The following PMPCB variants were observed in gnomAD, a reference collection of about 807,000 sequenced individuals.
The protein encoded by PMPCB is peptidase, mitochondrial processing subunit beta.
PMPCB carries 46 observed loss-of-function variants against 61.5 expected under a neutral mutation model. That is an observed-to-expected ratio of 0.75 (90% CI 0.59 to 0.96). The LOEUF (loss-of-function observed/expected upper bound fraction) is 0.96. Ranked by LOEUF, PMPCB falls within the 40% of genes least tolerant of loss-of-function variation. The pLI, the probability that PMPCB is intolerant of heterozygous loss-of-function variation, is 0.00. For missense variants in PMPCB, 590 were observed against 602.4 expected (o/e 0.98, Z 0.22); for synonymous variants, 191 against 201.6 (o/e 0.95, Z 0.44).
chr7:103,307,573 G>T (rs372271437), intron 6 of PMPCB, 23 bp from the exon 7 acceptor site: 1 of 1,398,902 alleles, frequency 7.1e-7, no homozygotes, highest in Non-Finnish European at 1.0e-6. Flanking sequence ...AGATACATGT[G>T]AAAATATTTT....
chr7:103,314,595 A>C lies in PMPCB; in HGVS notation c.*2324A>C. On this transcript the variant is annotated 3_prime_UTR_variant, in exon 13 of 13. Transcript: ENST00000249269. ...TGTGGAGATAAAGGTGCAGGAGAATAAACTCCTTTATAAAGAAGTGTCTTT... is the reference window on the plus strand; with the variant it reads ...TGTGGAGATAAAGGTGCAGGAGAATCAACTCCTTTATAAAGAAGTGTCTTT... 1.0e-6 allele frequency: 1 copy of C among 985,332 alleles called. No homozygotes were observed. 61.0% of individuals were successfully genotyped at this position (985,332 alleles called of 1,614,324 possible). A position where few individuals can be genotyped will look rare whatever the true frequency, so the allele number is the denominator to read the frequency against.
At chr7:103,344,688 C>A in the PMPCB span, 2 of 1,535,500 alleles carry the variant, frequency 1.3e-6, no homozygotes, top group Non-Finnish European at 1.8e-6. Flanking sequence ...GCTTAGGGTC[C>A]CCTCCAGCTC....
intron 1 of PMPCB, chr7:103,297,788 T>C: frequency 6.5e-7 from 1 of 1,530,006 alleles, no homozygotes; most frequent in Non-Finnish European, 8.7e-7. Flanking sequence ...GGTTTTCGGC[T>C]CCTCCCGCCA....
chr7:103,301,410 TA>T (rs1424129822), intron 4 of PMPCB, among the ~76,000 whole-genome samples: 1 of 152,268 alleles, frequency 6.6e-6, no homozygotes, highest in African/African-American at 2.4e-5. Context: ...GTCCCAGGAC[TA>T]ATTAGGGACC....
downstream of PMPCB, among the ~76,000 whole-genome samples, chr7:103,318,640 CTA>C (rs1818206366): frequency 6.6e-6 from 1 of 152,124 alleles, no homozygotes; most frequent in Non-Finnish European, 1.5e-5. Flanking sequence ...AGGCATAGTG[CTA>C]TATATAGTAG....
In PMPCB at chr7:103,297,548, C is replaced by T. The variant is rs775775729; in HGVS notation, c.89C>T (p.Ala30Val). The T allele has an allele frequency of 7.5e-6, 12 of 1,610,364 alleles. No individual in the cohort carries two copies. In the East Asian group the frequency reaches 1.6e-4, roughly 21 times the overall value. The change falls in exon 1 of 13, where the codon GCT (alanine) becomes GTT (valine). Residue 30 changes from alanine to valine, a missense_variant. Physicochemically the swap from Ala to Val is moderately conservative, Grantham distance 64. Coordinates refer to ENST00000249269, the MANE Select transcript of PMPCB (RefSeq NM_004279.3). ...GFSESLLIRG[A>V]AGRSLYFGEN... ...AGCGAGAGTCTTCTAATCCGAGGCGCTGCGGGACGGGTGAGCTTCCCTCCA... is the reference window on the plus strand; with the variant it reads ...AGCGAGAGTCTTCTAATCCGAGGCGTTGCGGGACGGGTGAGCTTCCCTCCA...
rs1231218807 is a variant in PMPCB at position 103,312,096 on chromosome 7, A to G, written c.1370A>G (p.Tyr457Cys). ...AETIREVCTK[Y>C]IYNRSPAIAA... ...ACAATTCGAGAAGTATGTACCAAAT[A>G]CATTTATAATAGGAGTCCAGCTATT... Residue 457 changes from tyrosine to cysteine, a missense_variant, in exon 12 of 13, where the codon TAC (tyrosine) becomes TGC (cysteine). Transcript: ENST00000249269. 1 of 1,613,936 alleles carries G rather than the reference A, an allele frequency of 6.2e-7. No homozygotes were observed. The highest frequency in any genetic ancestry group is 2.2e-5 in the East Asian group (1 of 44,870).
chr7:103,337,754 T>C, the PMPCB span: 18 of 1,613,690 alleles, frequency 1.1e-5, no homozygotes, highest in Non-Finnish European at 1.4e-5. Context: ...TTGATCTGTC[T>C]CTGTGTAGCC....
chr7:103,326,454 CTA>C, intron 12 of PMPCB: 1 of 1,292,204 alleles, frequency 7.7e-7, no homozygotes, highest in Non-Finnish European at 1.1e-6. Flanking sequence ...ATAAATGAAA[CTA>C]TTATCAGAGG....
chr7:103,342,596 C>A, the PMPCB span, among the ~76,000 whole-genome samples: 1 of 151,354 alleles, frequency 6.6e-6, no homozygotes, highest in African/African-American at 2.4e-5. Context: ...TGAGCCACTG[C>A]ACCCACCTGG....
At chr7:103,344,723 C>G in the PMPCB span, 3 of 1,293,216 alleles carry the variant, frequency 2.3e-6, no homozygotes, top group Admixed American at 1.8e-5. Context: ...AGCCTCGCGC[C>G]TTGGCTCTAA....
At chr7:103,329,107 C>G in exon 13 of PMPCB, 2 of 570,244 alleles carry the variant, frequency 3.5e-6, no homozygotes, top group Non-Finnish European at 5.3e-6. Context: ...GTTTTTCATC[C>G]TTTAACTGGA....
intron 9 of PMPCB, 126 bp from the exon 10 acceptor site, chr7:103,311,517 C>T: frequency 1.5e-6 from 1 of 659,496 alleles, no homozygotes; most frequent in Non-Finnish European, 2.6e-6. Context: ...TTAGCTTTTG[C>T]TTAGCATTGG....
At chr7:103,312,182 A>T (rs769242782) in intron 12 of PMPCB, 25 bp from the exon 13 acceptor site, 10 of 1,614,026 alleles carry the variant, frequency 6.2e-6, no homozygotes, top group Non-Finnish European at 8.5e-6. Flanking sequence ...AGTACTTTTA[A>T]TTAACTCTTC....
intron 4 of PMPCB, among the ~76,000 whole-genome samples, chr7:103,303,102 AT>A (rs1375183999): frequency 6.6e-6 from 1 of 152,090 alleles, no homozygotes; most frequent in Non-Finnish European, 1.5e-5. Flanking sequence ...AGAACACACA[AT>A]TCTGTGATTC....
downstream of PMPCB, chr7:103,315,946 A>C: frequency 6.4e-7 from 1 of 1,553,722 alleles, no homozygotes; most frequent in Non-Finnish European, 8.8e-7. Context: ...GTTATTTTAA[A>C]AATAGGTGTT....
chr7:103,303,257 C>T (rs190057631), intron 4 of PMPCB, among the ~76,000 whole-genome samples: 10 of 152,340 alleles, frequency 6.6e-5, no homozygotes, highest in African/African-American at 1.4e-4. Context: ...GCAGGGACTA[C>T]GGGCACATGC....
chr7:103,314,031 AAAC>A lies in PMPCB; in HGVS notation c.*1763_*1765del. The A allele has an allele frequency of 1.0e-6, 1 of 984,732 alleles. No individual in the cohort carries two copies. The highest frequency in any genetic ancestry group is 1.2e-6 in the Non-Finnish European group (1 of 829,806). The allele number at this position is 984,732 out of a possible 1,614,324, so 61.0% of individuals were successfully genotyped here. A position where few individuals can be genotyped will look rare whatever the true frequency, so the allele number is the denominator to read the frequency against. ...CTTCCCAATTAAAGAAGGAAAAACA[AAAC>A]AAAACAAAACAAAACCACCACCTAT... On this transcript the variant is annotated 3_prime_UTR_variant, in exon 13 of 13. Transcript: ENST00000249269.
chr7:103,346,387 T>A, the PMPCB span, among the ~76,000 whole-genome samples: 1 of 152,270 alleles, frequency 6.6e-6, no homozygotes, highest in African/African-American at 2.4e-5. Flanking sequence ...TGCTTCAGCC[T>A]CCCAAAGTGC....
Sources: gnomAD v4.1 joint callset for allele counts (sites outside exome capture counted in the v4.1 genomes callset) on GRCh38, gnomAD v4.1.1 for gene constraint, MANE v1.5 for transcripts, NCBI Gene and HGNC (gene_info 2026-07-23, HGNC 2026-07-21) for gene names.